The following CCDC25 variants were observed in gnomAD, a reference collection of about 807,000 sequenced individuals.
CCDC25 encodes coiled-coil domain-containing protein 25.
A neutral mutation model predicts 35.3 loss-of-function variants in CCDC25; 16 were observed. That is an observed-to-expected ratio of 0.45 (90% CI 0.31 to 0.69). CCDC25 has a LOEUF of 0.69. Among genes scored for constraint, CCDC25 ranks in the 30% least tolerant of loss-of-function variants. The pLI is 0.06. For synonymous variants in CCDC25, 79 were observed against 80.3 expected (o/e 0.98, Z 0.09); for missense variants, 179 against 250.7 (o/e 0.71, Z 1.93).
chr8:27,753,890 C>T (rs1803904010), intron 4 of CCDC25, among the ~76,000 whole-genome samples: 1 of 152,142 alleles, frequency 6.6e-6, no homozygotes, highest in Admixed American at 6.5e-5. Flanking sequence ...TTTAACCTTG[C>T]TAGTAAACTA....
intron 1 of CCDC25, among the ~76,000 whole-genome samples, chr8:27,769,548 G>T (rs569306491): frequency 6.6e-6 from 1 of 152,192 alleles, no homozygotes; most frequent in Non-Finnish European, 1.5e-5. Flanking sequence ...GAGTTGCCAA[G>T]GACGAAAATG....
At chr8:27,758,812 T>C (rs1563455283) in intron 3 of CCDC25, among the ~76,000 whole-genome samples, 3 of 152,094 alleles carry the variant, frequency 2.0e-5, no homozygotes, top group Non-Finnish European at 4.4e-5. Context: ...ACCCAAATAA[T>C]TCAATATATA....
intron 7 of CCDC25, among the ~76,000 whole-genome samples, chr8:27,744,735 T>G (rs967162494): frequency 6.6e-6 from 1 of 152,232 alleles, no homozygotes; most frequent in Non-Finnish European, 1.5e-5. Context: ...CCTTGCCAGT[T>G]TGTTCATTCC....
Position 27,737,047 on chromosome 8 carries a change from C to G in CCDC25, c.598-802G>C, listed in dbSNP as rs1803255681. Among the ~76,000 whole-genome samples, 1 of 152,164 alleles carries G rather than the reference C, an allele frequency of 6.6e-6. No individual in the cohort carries two copies. The highest frequency in any genetic ancestry group is 1.5e-5 in the Non-Finnish European group (1 of 68,032). ...AGAAAGGGATCAGACTAAGGCTTAT[C>G]TAAATGGCCCTTATTAAAGATGGTA... On this transcript the variant is annotated intron_variant, in intron 8 of 8. Coordinates refer to ENST00000356537, the MANE Select transcript of CCDC25 (RefSeq NM_018246.3). This position sits in a 1 kb window ranked among gnomAD's most constrained non-coding sequence, Gnocchi z 4.6.
chr8:27,744,666 C>T (rs1803548428), intron 7 of CCDC25, among the ~76,000 whole-genome samples: 1 of 152,194 alleles, frequency 6.6e-6, no homozygotes, highest in African/African-American at 2.4e-5. Context: ...TTTTAAGTCA[C>T]TCTACAATGT....
intron 4 of CCDC25, among the ~76,000 whole-genome samples, chr8:27,754,052 G>A (rs1303736980): frequency 6.6e-6 from 1 of 152,038 alleles, no homozygotes; most frequent in East Asian, 1.9e-4. Flanking sequence ...CTTTCAGAGG[G>A]CAATCTGGCA....
chr8:27,748,002 T>C, intron 7 of CCDC25, 75 bp downstream of exon 7: 1 of 1,400,736 alleles, frequency 7.1e-7, no homozygotes, highest in Non-Finnish European at 1.0e-6. Flanking sequence ...ATATCGTTCT[T>C]AATGGCTAAT....
intron 7 of CCDC25, among the ~76,000 whole-genome samples, chr8:27,743,995 T>C (rs1803523051): frequency 6.6e-6 from 1 of 152,180 alleles, no homozygotes; most frequent in Admixed American, 6.5e-5. Flanking sequence ...TAATTAAACT[T>C]TTGAAGCAAA....
At chr8:27,748,347 C>A (rs1225618789) in intron 6 of CCDC25, 68 bp from the exon 7 acceptor site, 2 of 1,462,828 alleles carry the variant, frequency 1.4e-6, no homozygotes, top group Non-Finnish European at 1.9e-6. Context: ...AGGGATGAGG[C>A]TTTCCAGGGG....
intron 4 of CCDC25, chr8:27,756,415 G>C (rs1395432930): frequency 3.6e-6 from 1 of 279,360 alleles, no homozygotes; most frequent in African/African-American, 2.2e-5. Context: ...GAGACAGAAA[G>C]TCTGGGAGTG....
chr8:27,766,556 G>C (rs958174000), intron 1 of CCDC25, among the ~76,000 whole-genome samples: 17 of 152,144 alleles, frequency 1.1e-4, no homozygotes, highest in African/African-American at 4.1e-4. Flanking sequence ...GTAGTACCTT[G>C]ATCAGGCCTT....
rs139985343 is a variant in CCDC25 at position 27,758,741 on chromosome 8, T to C, written c.117-1971A>G. ...CAACATCTTCTTCCCTATGTACCTA[T>C]AATAGATTGAATTCTGATTTTTCTT... On this transcript the variant is annotated intron_variant, in intron 3 of 8. Transcript: ENST00000356537. Among the ~76,000 whole-genome samples the C allele has an allele frequency of 5.6e-3, 849 of 152,342 alleles. 8 individuals are homozygous for C. The highest frequency in any genetic ancestry group is 0.014 in the Middle Eastern group (4 of 294).
intron 5 of CCDC25, 64 bp downstream of exon 5, chr8:27,752,448 G>T: frequency 1.6e-6 from 2 of 1,235,316 alleles, no homozygotes; most frequent in Non-Finnish European, 1.2e-6. Context: ...TCACTAAAAT[G>T]TAATCCATTT....
intron 7 of CCDC25, among the ~76,000 whole-genome samples, chr8:27,745,413 T>C (rs1803570865): frequency 6.6e-6 from 1 of 152,230 alleles, no homozygotes; most frequent in African/African-American, 2.4e-5. Flanking sequence ...TCCCTGACTA[T>C]TGCTTATTTC....
intron 3 of CCDC25, among the ~76,000 whole-genome samples, chr8:27,757,722 G>A (rs1272162457): frequency 1.3e-5 from 2 of 152,086 alleles, no homozygotes; most frequent in African/African-American, 4.8e-5. Flanking sequence ...TCGCCACTTC[G>A]TGATTCTGTT....
At chr8:27,747,903 C>T in intron 7 of CCDC25, 174 bp downstream of exon 7, 6 of 611,192 alleles carry the variant, frequency 9.8e-6, no homozygotes, top group African/African-American at 1.9e-5. Context: ...TTCTTTTAAC[C>T]AACACATTAA....
rs760649981 is a variant in CCDC25, at chr8:27,765,244, T to C, written c.36A>G (p.Ser12=). ...VFYFTSSSVN[S]SAYTIYMGKD... is the part of the protein sequence containing the mutation. The stretch of plus-strand genomic sequence containing the variant: ...TTCCCATGTAAATAGTGTAGGCAGA[T>C]GAATTAACTAAGATAAAACAAAAAT... The change falls in exon 2 of 9, where the codon TCA becomes TCG. Residue 12 remains serine (S), a synonymous_variant. Coordinates refer to ENST00000356537, the MANE Select transcript of CCDC25 (RefSeq NM_018246.3). 1.3e-6 allele frequency: 2 copies of C among 1,486,516 alleles called. No individual in the cohort carries two copies. Among genetic ancestry groups the C allele is most frequent in the Non-Finnish European group, 9.1e-7 (1 of 1,096,492 alleles). 92.1% of individuals were successfully genotyped at this position (1,486,516 alleles called of 1,614,324 possible).
Position 27,737,344 on chromosome 8 carries a change from T to A in CCDC25, c.598-1099A>T, listed in dbSNP as rs777880536. On this transcript the variant is annotated intron_variant, in intron 8 of 8. Transcript: ENST00000356537. This position sits in a 1 kb window ranked among gnomAD's most constrained non-coding sequence, Gnocchi z 4.6. The stretch of plus-strand genomic sequence containing the variant: ...AGTATCTTCAAATGCCAGCTTTAGA[T>A]CCCAAACACTGAGGATGAACAACTC... Among the ~76,000 whole-genome samples the A allele has an allele frequency of 1.3e-5, 2 of 152,146 alleles. No homozygotes were observed. Among genetic ancestry groups the A allele is most frequent in the Non-Finnish European group, 2.9e-5 (2 of 68,026 alleles).
At chr8:27,772,126 G>A (rs981875704) in intron 1 of CCDC25, 9 of 254,856 alleles carry the variant, frequency 3.5e-5, no homozygotes, top group African/African-American at 1.6e-4. Flanking sequence ...TCTCACAGGG[G>A]ATAATTACAA....
Sources: allele counts gnomAD v4.1 joint callset (sites outside exome capture counted in the v4.1 genomes callset), GRCh38; gene constraint gnomAD v4.1.1; non-coding constraint Gnocchi (gnomAD v3.1); transcripts MANE v1.5; gene names NCBI Gene and HGNC (gene_info 2026-07-23, HGNC 2026-07-21).